CPXM2: variants seen among roughly 807,000 people sequenced by gnomAD.
The protein encoded by CPXM2 is carboxypeptidase X, M14 family member 2, also known as inactive carboxypeptidase-like protein X2.
CPXM2 carries 66 observed loss-of-function variants against 86.1 expected under a neutral mutation model. The ratio of observed to expected loss-of-function variants is 0.77; its 90% confidence interval spans 0.63 to 0.94. CPXM2 has a LOEUF of 0.94. Among genes scored for constraint, CPXM2 ranks in the 40% least tolerant of loss-of-function variants. The pLI is 0.00. For missense variants in CPXM2, 948 were observed against 1,026.3 expected, an observed-to-expected ratio of 0.92 and a Z score of 1.04; for synonymous variants, 388 against 400.2, an observed-to-expected ratio of 0.97 and a Z score of 0.36.
At chr10:123,765,417 C>T (rs1443006975) in intron 10 of CPXM2, among the ~76,000 whole-genome samples, 1 of 152,228 alleles carries the variant, frequency 6.6e-6, no homozygotes, top group East Asian at 1.9e-4. Flanking sequence ...TCCAGAGACT[C>T]TGTACAGTTG....
chr10:123,767,210 A>T, intron 9 of CPXM2, 58 bp from the exon 10 acceptor site: 1 of 1,486,248 alleles, frequency 6.7e-7, no homozygotes, highest in Admixed American at 1.7e-5. Flanking sequence ...CGGACCCTCT[A>T]CCATACAAGA....
intron 1 of CPXM2, among the ~76,000 whole-genome samples, chr10:123,887,953 G>A (rs1945206466): frequency 6.6e-6 from 1 of 152,144 alleles, no homozygotes; most frequent in Non-Finnish European, 1.5e-5. Flanking sequence ...CTACTTCTCT[G>A]GAAACCTGTT....
chr10:123,794,834 G>A (rs552738759), intron 6 of CPXM2, among the ~76,000 whole-genome samples: 6 of 151,802 alleles, frequency 4.0e-5, no homozygotes, highest in East Asian at 1.9e-4. Flanking sequence ...GCAGTGGTGC[G>A]ATCTCGGCTC....
chr10:123,902,804 C>T (rs912017639), intron 2 of CPXM2, among the ~76,000 whole-genome samples: 2 of 152,186 alleles, frequency 1.3e-5, no homozygotes, highest in African/African-American at 4.8e-5. Context: ...ATTCAGACCG[C>T]GACACAGAGT....
upstream of CPXM2, among the ~76,000 whole-genome samples, chr10:123,895,128 T>TTC (rs1405418996): frequency 1.4e-4 from 16 of 115,578 alleles, no homozygotes; most frequent in Non-Finnish European, 2.3e-4. Flanking sequence ...TTTCTTTTTT[T>TTC]TTTTTTTTTT....
chr10:123,840,260 G>A (rs1295846623), intron 4 of CPXM2, among the ~76,000 whole-genome samples: 1 of 152,242 alleles, frequency 6.6e-6, no homozygotes. Flanking sequence ...AACAATTGTC[G>A]TGGTAATAAG....
At chr10:123,857,290 G>C (rs1380580516) in intron 3 of CPXM2, among the ~76,000 whole-genome samples, 1 of 151,942 alleles carries the variant, frequency 6.6e-6, no homozygotes. Context: ...TGATGGAAAA[G>C]GAGACAGGTA....
At chr10:123,911,390 G>T (rs1460221775) in intron 2 of CPXM2, among the ~76,000 whole-genome samples, 1 of 152,096 alleles carries the variant, frequency 6.6e-6, no homozygotes, top group East Asian at 1.9e-4. Flanking sequence ...GAGCAGGGCA[G>T]CCCCAAGGGG....
At position 123,906,002 on chromosome 10, in the gene CPXM2, C is replaced by T. The variant is rs1945435791; in HGVS notation, n.175-25693G>A. ...CCCGACGGTCTGTCCACTCTTCCTT[C>T]GGCCAGTGACGCCCAGGTACTGAAG... On this transcript the variant is annotated intron_variant and non_coding_transcript_variant, in intron 2 of 19. Transcript: ENST00000368854. 2.0e-5 allele frequency among the ~76,000 whole-genome samples: 3 copies of T among 152,206 alleles called. No homozygotes were observed. In the South Asian group the frequency reaches 6.2e-4, roughly 31 times the overall value.
intron 2 of CPXM2, among the ~76,000 whole-genome samples, chr10:123,897,575 G>A (rs1016634300): frequency 6.6e-6 from 1 of 152,116 alleles, no homozygotes; most frequent in Non-Finnish European, 1.5e-5. Context: ...GGTGCAGCAT[G>A]GGCACACTGG....
chr10:123,832,140 A>G (rs1848180204), intron 4 of CPXM2, among the ~76,000 whole-genome samples: 1 of 152,204 alleles, frequency 6.6e-6, no homozygotes, highest in African/African-American at 2.4e-5. Flanking sequence ...GTTTTCTTCA[A>G]CCTACAAGTT....
intron 2 of CPXM2, among the ~76,000 whole-genome samples, chr10:123,874,288 CA>C (rs1331069349): frequency 6.6e-6 from 1 of 152,152 alleles, no homozygotes; most frequent in East Asian, 1.9e-4. Flanking sequence ...GAGGAAAGGC[CA>C]AGGGAGCTCT....
At chr10:123,909,389 T>C (rs1245262598) in intron 2 of CPXM2, among the ~76,000 whole-genome samples, 1 of 152,212 alleles carries the variant, frequency 6.6e-6, no homozygotes, top group Non-Finnish European at 1.5e-5. Flanking sequence ...TAAAGAACAC[T>C]CTTTGCCAAA....
intron 3 of CPXM2, among the ~76,000 whole-genome samples, chr10:123,848,422 T>C (rs1310698656): frequency 6.6e-6 from 1 of 152,208 alleles, no homozygotes; most frequent in Non-Finnish European, 1.5e-5. Context: ...CCAAAACCAA[T>C]TTCTTAACTA....
intron 4 of CPXM2, among the ~76,000 whole-genome samples, chr10:123,821,613 G>A (rs1312706498): frequency 6.6e-6 from 1 of 152,210 alleles, no homozygotes; most frequent in African/African-American, 2.4e-5. Flanking sequence ...TGACTAGGAA[G>A]GGACACTATG....
At chr10:123,873,677 G>C (rs546310220) in intron 2 of CPXM2, among the ~76,000 whole-genome samples, 1 of 152,212 alleles carries the variant, frequency 6.6e-6, no homozygotes, top group East Asian at 1.9e-4. Flanking sequence ...GTAGAAAAAT[G>C]AATTAATAAT....
intron 4 of CPXM2, among the ~76,000 whole-genome samples, chr10:123,836,322 C>T (rs1470429101): frequency 1.3e-5 from 2 of 152,098 alleles, no homozygotes. Flanking sequence ...TCTGAAGCCT[C>T]ATCTCCCACA....
At chr10:123,884,477 A>C (rs554119160) in intron 1 of CPXM2, among the ~76,000 whole-genome samples, 57 of 152,334 alleles carry the variant, frequency 3.7e-4, no homozygotes, top group South Asian at 3.5e-3. Flanking sequence ...CCCTTATCCA[A>C]TTCTGAGGAC....
Position 123,877,834 on chromosome 10 carries a change from AC to A in CPXM2, c.403+2376del, listed in dbSNP as rs145659206. 4.3e-3 allele frequency among the ~76,000 whole-genome samples: 648 copies of A among 152,360 alleles called. 3 individuals are homozygous for A. The highest frequency in any genetic ancestry group is 0.015 in the African/African-American group (619 of 41,580). On this transcript the variant is annotated intron_variant, in intron 2 of 13. Coordinates refer to ENST00000241305, the MANE Select transcript of CPXM2 (RefSeq NM_198148.3). ...TCCTTAATCACAGTGACAGCCATGT[AC>A]ATGTTCTCTTCCTCAAAAGCTAAAG...
Sources: gnomAD v4.1 joint callset for allele counts (sites outside exome capture counted in the v4.1 genomes callset) on GRCh38, gnomAD v4.1.1 for gene constraint, MANE v1.5 for transcripts, NCBI Gene and HGNC (gene_info 2026-07-23, HGNC 2026-07-21) for gene names.